ZFAND3: variants seen among roughly 807,000 people sequenced by gnomAD.
ZFAND3 encodes zinc finger AN1-type containing 3.
A neutral mutation model predicts 29.6 loss-of-function variants in ZFAND3; 10 were observed. That is an observed-to-expected ratio of 0.34 (90% confidence interval 0.21 to 0.57). The LOEUF (loss-of-function observed/expected upper bound fraction) is 0.57, where lower values mean the gene tolerates loss of function less well. Among genes scored for constraint, ZFAND3 ranks in the 20% least tolerant of loss-of-function variants. ZFAND3 has a pLI of 0.86. For synonymous variants in ZFAND3, 128 were observed against 112.6 expected (o/e 1.14, Z -0.87); for missense variants, 230 against 304.5 (o/e 0.76, Z 1.82).
intron 2 of ZFAND3, among the ~76,000 whole-genome samples, chr6:38,022,924 T>C (rs1424338024): frequency 2.0e-5 from 3 of 152,244 alleles, no homozygotes; most frequent in Non-Finnish European, 4.4e-5. Flanking sequence ...GATGACTGTT[T>C]TGTTTTCTTT....
chr6:38,129,160 C>G (rs898457722), intron 5 of ZFAND3, among the ~76,000 whole-genome samples: 24 of 151,984 alleles, frequency 1.6e-4, no homozygotes, highest in African/African-American at 5.6e-4. Flanking sequence ...TGTTCTTAGC[C>G]CACTTTTTGA....
chr6:38,097,987 CCTTT>C (rs1476522473), intron 4 of ZFAND3, among the ~76,000 whole-genome samples: 2 of 152,184 alleles, frequency 1.3e-5, no homozygotes, highest in African/African-American at 2.4e-5. Flanking sequence ...GCCCCTTTGT[CCTTT>C]CTTAAGAAAA....
intron 2 of ZFAND3, among the ~76,000 whole-genome samples, chr6:38,056,181 C>T (rs922496333): frequency 1.6e-4 from 25 of 152,180 alleles, no homozygotes; most frequent in African/African-American, 4.3e-4. Flanking sequence ...TAAATGAAAA[C>T]GTGTAACACT....
chr6:37,875,634 A>AT (rs71542144), intron 1 of ZFAND3, among the ~76,000 whole-genome samples: 5,122 of 143,782 alleles, frequency 0.036, 273 homozygotes, highest in African/African-American at 0.12. Flanking sequence ...TAATTTCTGT[A>AT]TTTTTTTTTT....
At chr6:37,975,064 A>G (rs1046454159) in intron 2 of ZFAND3, among the ~76,000 whole-genome samples, 30 of 152,242 alleles carry the variant, frequency 2.0e-4, no homozygotes, top group Admixed American at 1.1e-3. Context: ...GAAACTGCCA[A>G]ACTTTTCCAA....
chr6:37,982,658 A>G (rs1212016697), intron 2 of ZFAND3, among the ~76,000 whole-genome samples: 2 of 152,222 alleles, frequency 1.3e-5, no homozygotes, highest in African/African-American at 2.4e-5. Context: ...TATGTACACC[A>G]CATAGTGCTT....
At chr6:38,023,428 TAAG>T (rs1315938782) in intron 2 of ZFAND3, among the ~76,000 whole-genome samples, 11 of 152,206 alleles carry the variant, frequency 7.2e-5, no homozygotes, top group Non-Finnish European at 1.2e-4. Flanking sequence ...CAAAAAATGA[TAAG>T]TATATGAAGT....
rs56045448 is a variant in ZFAND3, at chr6:37,913,708, C to CTTTTTTTTTTTTTTT, written c.72-16246_72-16232dup. ...CCCAGCTGTCTATGGCAGCTATATT[C>CTTTTTTTTTTTTTTT]TTTTTTTTTTTTTTTTTTTGAGACA... On this transcript the variant is annotated intron_variant, in intron 1 of 5. Transcript: ENST00000287218. Among the ~76,000 whole-genome samples the CTTTTTTTTTTTTTTT allele has an allele frequency of 9.1e-3, 1,022 of 112,916 alleles. 79 individuals are homozygous for CTTTTTTTTTTTTTTT. Among genetic ancestry groups the CTTTTTTTTTTTTTTT allele is most frequent in the Non-Finnish European group, 0.015 (831 of 54,260 alleles). The allele number at this position is 112,916 out of a possible 152,430, so 74.1% of individuals were successfully genotyped here.
intron 4 of ZFAND3, among the ~76,000 whole-genome samples, chr6:38,106,655 A>G (rs922471508): frequency 2.0e-5 from 3 of 152,004 alleles, no homozygotes; most frequent in Non-Finnish European, 4.4e-5. Flanking sequence ...CACTCCCCTC[A>G]TACCACTTAG....
Position 38,121,449 on chromosome 6 carries a change from C to T in ZFAND3, c.529+4710C>T, listed in dbSNP as rs183938138. On this transcript the variant is annotated intron_variant, in intron 5 of 5. Transcript: ENST00000287218. ...GGAGCATCACAATTTACCTGGAGGG[C>T]ATGTTAAAAACAGATTGTTGGGACC... is the stretch of plus-strand genomic sequence containing the variant. 5.3e-5 allele frequency among the ~76,000 whole-genome samples: 8 copies of T among 152,288 alleles called. No homozygotes were observed. The East Asian group carries it at 1.5e-3, about 29-fold the overall frequency.
intron 3 of ZFAND3, among the ~76,000 whole-genome samples, chr6:38,078,716 C>T (rs1331538009): frequency 6.6e-6 from 1 of 152,144 alleles, no homozygotes; most frequent in Non-Finnish European, 1.5e-5. Context: ...ACCTCAGTCC[C>T]GGTCAACACA....
At position 38,066,719 on chromosome 6, in the gene ZFAND3, A is replaced by G. The variant is rs189608528; in HGVS notation, c.295+4944A>G. Among the ~76,000 whole-genome samples the G allele has an allele frequency of 8.2e-4, 125 of 152,338 alleles. 1 individual carries two copies. The highest frequency in any genetic ancestry group is 1.5e-3 in the Non-Finnish European group (99 of 68,018). ...ACTTGAACTATGAACATATCAACAG[A>G]AAGTGGTGAGAGTCTGGGTACATTT... On this transcript the variant is annotated intron_variant, in intron 3 of 5. Coordinates refer to ENST00000287218, the MANE Select transcript of ZFAND3 (RefSeq NM_021943.3).
At chr6:38,011,634 GT>G (rs1033465586) in intron 2 of ZFAND3, among the ~76,000 whole-genome samples, 3 of 152,036 alleles carry the variant, frequency 2.0e-5, no homozygotes, top group Admixed American at 1.3e-4. Context: ...GAAGAAAGTT[GT>G]TTTTTTCTTC....
chr6:38,049,082 A>T (rs1763968126), intron 2 of ZFAND3, among the ~76,000 whole-genome samples: 1 of 151,926 alleles, frequency 6.6e-6, no homozygotes, highest in Non-Finnish European at 1.5e-5. Flanking sequence ...AATGACTAGC[A>T]CTCCCTGTTG....
At chr6:38,060,719 A>G (rs1764220618) in intron 2 of ZFAND3, among the ~76,000 whole-genome samples, 2 of 152,174 alleles carry the variant, frequency 1.3e-5, no homozygotes, top group South Asian at 4.1e-4. Flanking sequence ...CAAAAATGCT[A>G]AGATTATAGG....
At chr6:38,087,928 C>T (rs1473598678) in intron 4 of ZFAND3, among the ~76,000 whole-genome samples, 1 of 152,156 alleles carries the variant, frequency 6.6e-6, no homozygotes, top group African/African-American at 2.4e-5. Flanking sequence ...ATGTTTCCAG[C>T]ATGAAATGTT....
At chr6:38,104,211 A>G (rs1166447282) in intron 4 of ZFAND3, among the ~76,000 whole-genome samples, 1 of 152,168 alleles carries the variant, frequency 6.6e-6, no homozygotes, top group Non-Finnish European at 1.5e-5. Flanking sequence ...GGCACTTAAC[A>G]AACAGGGATG....
intron 5 of ZFAND3, among the ~76,000 whole-genome samples, chr6:38,138,208 A>G (rs1357217527): frequency 4.6e-5 from 7 of 152,208 alleles, no homozygotes; most frequent in African/African-American, 1.7e-4. Context: ...ATGCTTGTGT[A>G]TGCACAGATG....
At chr6:37,892,381 C>G (rs1765121148) in intron 1 of ZFAND3, among the ~76,000 whole-genome samples, 2 of 152,156 alleles carry the variant, frequency 1.3e-5, no homozygotes, top group Non-Finnish European at 2.9e-5. Flanking sequence ...CCCTTGAGCC[C>G]AGGAATTTGA....
Sources: gnomAD v4.1 joint callset for allele counts (sites outside exome capture counted in the v4.1 genomes callset) on GRCh38, gnomAD v4.1.1 for gene constraint, MANE v1.5 for transcripts, NCBI Gene and HGNC (gene_info 2026-07-23, HGNC 2026-07-21) for gene names.